TXK: variants seen among roughly 807,000 people sequenced by gnomAD.
The protein encoded by TXK is tyrosine-protein kinase TXK.
In TXK, 60 loss-of-function variants were observed where a neutral mutation model predicts 81.0. The observed-to-expected ratio is 0.74, with a 90% CI of 0.60 to 0.92. TXK has a LOEUF of 0.92. Among genes scored for constraint, TXK ranks in the 40% least tolerant of loss-of-function variants. The pLI is 0.00. For missense variants in TXK, 581 were observed against 638.3 expected (o/e 0.91, Z 0.97); for synonymous variants, 203 against 210.7 (o/e 0.96, Z 0.32).
chr4:48,107,826 G>A (rs1299758077), intron 5 of TXK, among the ~76,000 whole-genome samples: 1 of 151,244 alleles, frequency 6.6e-6, no homozygotes, highest in African/African-American at 2.4e-5. Flanking sequence ...ACTTTGGGAG[G>A]TAGAGGCGGG....
chr4:48,071,130 C>T (rs546614639), intron 14 of TXK, among the ~76,000 whole-genome samples: 219 of 151,986 alleles, frequency 1.4e-3, no homozygotes, highest in African/African-American at 4.9e-3. Flanking sequence ...AAACTCCTGA[C>T]CTCAGGTGAT....
chr4:48,120,500 T>A (rs1718928764), intron 1 of TXK, among the ~76,000 whole-genome samples: 1 of 151,956 alleles, frequency 6.6e-6, no homozygotes, highest in African/African-American at 2.4e-5. Context: ...TCTTTTTTTT[T>A]TTTTGGTTGA....
At chr4:48,070,709 G>T (rs1407541720) in intron 14 of TXK, among the ~76,000 whole-genome samples, 1 of 151,690 alleles carries the variant, frequency 6.6e-6, no homozygotes, top group Non-Finnish European at 1.5e-5. Flanking sequence ...CTCCCAAGTA[G>T]CTGGAATTAC....
chr4:48,111,155 TAC>T (rs1718621070), intron 4 of TXK, among the ~76,000 whole-genome samples: 1 of 152,216 alleles, frequency 6.6e-6, no homozygotes, highest in African/African-American at 2.4e-5. Context: ...TATACCAACT[TAC>T]ACACCTATCA....
intron 1 of TXK, among the ~76,000 whole-genome samples, chr4:48,124,058 C>T (rs1416519609): frequency 1.3e-5 from 2 of 152,190 alleles, no homozygotes; most frequent in Non-Finnish European, 2.9e-5. Context: ...AAGCACAGTC[C>T]TGCCCTGTGG....
intron 10 of TXK, among the ~76,000 whole-genome samples, chr4:48,080,662 TCACACACACACACA>T (rs57819050): frequency 5.5e-5 from 8 of 144,474 alleles, no homozygotes; most frequent in Non-Finnish European, 9.1e-5. Flanking sequence ...TATTTGGTAA[TCACACACACACACA>T]CACACACACA....
chr4:48,120,178 T>C (rs1251790870), intron 1 of TXK, among the ~76,000 whole-genome samples: 1 of 94,276 alleles, frequency 1.1e-5, no homozygotes, highest in African/African-American at 2.7e-5. Context: ...TATACGTATA[T>C]GTGTATATAT....
chr4:48,114,837 T>C (rs1275946904), intron 1 of TXK, among the ~76,000 whole-genome samples: 1 of 152,170 alleles, frequency 6.6e-6, no homozygotes, highest in Non-Finnish European at 1.5e-5. Flanking sequence ...AAAAATTCCA[T>C]CAACATTTCA....
At chr4:48,121,116 A>G (rs1317898653) in intron 1 of TXK, among the ~76,000 whole-genome samples, 1 of 151,994 alleles carries the variant, frequency 6.6e-6, no homozygotes, top group South Asian at 2.1e-4. Flanking sequence ...CACTCTTTTG[A>G]TTATCCCATT....
intron 9 of TXK, chr4:48,089,480 T>G (rs1717670823): frequency 3.7e-6 from 1 of 268,108 alleles, no homozygotes; most frequent in Admixed American, 4.3e-5. Context: ...AACCTCTGCC[T>G]CCTGGGTTCA....
intron 1 of TXK, among the ~76,000 whole-genome samples, chr4:48,128,087 G>A (rs943600286): frequency 1.3e-5 from 2 of 152,194 alleles, no homozygotes; most frequent in Non-Finnish European, 1.5e-5. Context: ...AGCCGCTGTC[G>A]CTTCCTCATG....
intron 1 of TXK, among the ~76,000 whole-genome samples, chr4:48,116,296 G>A (rs909120530): frequency 6.6e-6 from 1 of 152,186 alleles, no homozygotes; most frequent in Non-Finnish European, 1.5e-5. Flanking sequence ...CAGGTATACA[G>A]TAAGAGGGTA....
At chr4:48,073,255 C>T (rs1716935137) in intron 13 of TXK, among the ~76,000 whole-genome samples, 6 of 152,268 alleles carry the variant, frequency 3.9e-5, no homozygotes, top group Middle Eastern at 3.4e-3. Flanking sequence ...ATAAAACTGA[C>T]ACCCTTCTGA....
intron 6 of TXK, among the ~76,000 whole-genome samples, chr4:48,100,128 C>T (rs1343285778): frequency 7.4e-6 from 1 of 135,850 alleles, no homozygotes; most frequent in Non-Finnish European, 1.5e-5. Context: ...GCGGAGATCG[C>T]GCCACAGCAC....
At chr4:48,079,797 A>T in intron 11 of TXK, 115 bp downstream of exon 11, 1 of 791,004 alleles carries the variant, frequency 1.3e-6, no homozygotes, top group Non-Finnish European at 2.1e-6. Context: ...ATGAATAGGT[A>T]AATGTTTAAA....
chr4:48,089,209 T>C (rs555980376), intron 9 of TXK, among the ~76,000 whole-genome samples: 53 of 152,250 alleles, frequency 3.5e-4, no homozygotes, highest in African/African-American at 1.2e-3. Flanking sequence ...CTCCTGGTAA[T>C]GTAACAGTGA....
rs1207245405 is a variant in TXK, at chr4:48,104,377, TATA to T, written c.501+521_501+523del. The stretch of plus-strand genomic sequence containing the variant: ...AATATAATATATAATATATATAATA[TATA>T]ATATTATATATAATATATATAATAT... On this transcript the variant is annotated intron_variant, in intron 6 of 14. Coordinates refer to ENST00000264316, the MANE Select transcript of TXK (RefSeq NM_003328.3). Among the ~76,000 whole-genome samples, 5 of 1,086 alleles carry T rather than the reference TATA, an allele frequency of 4.6e-3. 1 individual carries two copies. Among genetic ancestry groups the T allele is most frequent in the Non-Finnish European group, 6.0e-3 (5 of 836 alleles). 0.7% of individuals were successfully genotyped at this position (1,086 alleles called of 152,430 possible).
At chr4:48,132,738 G>C (rs1719276986) in intron 1 of TXK, among the ~76,000 whole-genome samples, 1 of 152,026 alleles carries the variant, frequency 6.6e-6, no homozygotes, top group African/African-American at 2.4e-5. Context: ...TTGAGGTCAG[G>C]AGTTTGAGAC....
intron 2 of TXK, 59 bp downstream of exon 2, chr4:48,114,289 G>C (rs924872952): frequency 1.3e-6 from 2 of 1,555,558 alleles, no homozygotes; most frequent in Non-Finnish European, 8.9e-7. Flanking sequence ...TGACTCCACA[G>C]GTAATAAAGA....
Sources: allele counts gnomAD v4.1 joint callset (sites outside exome capture counted in the v4.1 genomes callset), GRCh38; gene constraint gnomAD v4.1.1; transcripts MANE v1.5; gene names NCBI Gene and HGNC (gene_info 2026-07-23, HGNC 2026-07-21).